Variants in ARHGAP21 observed in about 807,000 individuals in gnomAD.
ARHGAP21 encodes the protein rho GTPase-activating protein 21.
ARHGAP21 carries 38 observed loss-of-function variants against 164.6 expected under a neutral mutation model. The ratio of observed to expected loss-of-function variants is 0.23; its 90% CI spans 0.18 to 0.30. The LOEUF (loss-of-function observed/expected upper bound fraction) is 0.30. Among genes scored for constraint, ARHGAP21 ranks in the 10% least tolerant of loss-of-function variants. The probability of loss-of-function intolerance (pLI) is 1.00; values close to 1 mark genes in which losing one functional copy is unlikely to be tolerated. For missense variants in ARHGAP21, 1,822 were observed against 2,370.7 expected, an observed-to-expected ratio of 0.77 and a Z score of 4.81; for synonymous variants, 766 against 857.9, an observed-to-expected ratio of 0.89 and a Z score of 1.87.
chr10:24,694,310 T>C (rs1842966982), intron 2 of ARHGAP21, among the ~76,000 whole-genome samples: 1 of 152,246 alleles, frequency 6.6e-6, no homozygotes, highest in Non-Finnish European at 1.5e-5. Context: ...CTGCTATCCT[T>C]AGAAAGGCCA....
chr10:24,700,093 T>A (rs961508063), intron 2 of ARHGAP21, among the ~76,000 whole-genome samples: 2 of 152,178 alleles, frequency 1.3e-5, no homozygotes, highest in Non-Finnish European at 2.9e-5. Flanking sequence ...CTGGCTGGAT[T>A]TCTCCTAACA....
intron 7 of ARHGAP21, among the ~76,000 whole-genome samples, chr10:24,628,149 T>C (rs1190546427): frequency 6.6e-6 from 1 of 152,256 alleles, no homozygotes; most frequent in African/African-American, 2.4e-5. Flanking sequence ...TCTGTGGTTA[T>C]GTCTGCTACA....
chr10:24,646,989 G>C (rs565540856), intron 4 of ARHGAP21, among the ~76,000 whole-genome samples: 1 of 152,062 alleles, frequency 6.6e-6, no homozygotes, highest in South Asian at 2.1e-4. Context: ...TTAATACTCC[G>C]CCATGCACTT....
intron 21 of ARHGAP21, among the ~76,000 whole-genome samples, chr10:24,593,262 AGAAACTATGTGTGG>A (rs1201760599): frequency 6.6e-6 from 1 of 151,982 alleles, no homozygotes; most frequent in East Asian, 1.9e-4. Flanking sequence ...CTTGGTAGAA[AGAAACTATGTGTGG>A]GAAAGGTGTA....
At chr10:24,688,392 CA>C (rs1019051261) in intron 2 of ARHGAP21, among the ~76,000 whole-genome samples, 21 of 145,668 alleles carry the variant, frequency 1.4e-4, no homozygotes, top group African/African-American at 3.5e-4. Context: ...GACTCCGTCT[CA>C]AAAAAAAAAA....
rs150615720 is a variant in ARHGAP21, at chr10:24,688,117, G to A, written c.64-17720C>T. ...ACAGAATTCAATTTGGTGGCCAGGTGGAGTGGCTCATGCCTGTAATCCCAG... is the reference window on the plus strand; with the variant it reads ...ACAGAATTCAATTTGGTGGCCAGGTAGAGTGGCTCATGCCTGTAATCCCAG... On this transcript the variant is annotated intron_variant, in intron 2 of 25. Coordinates refer to ENST00000396432, the MANE Select transcript of ARHGAP21 (RefSeq NM_020824.4). Among the ~76,000 whole-genome samples, 475 of 152,312 alleles carry A rather than the reference G, an allele frequency of 3.1e-3. 2 individuals are homozygous for A. Among genetic ancestry groups the A allele is most frequent in the African/African-American group, 0.011 (440 of 41,576 alleles).
At chr10:24,592,747 A>G (rs2076392496) in intron 21 of ARHGAP21, among the ~76,000 whole-genome samples, 1 of 137,388 alleles carries the variant, frequency 7.3e-6, no homozygotes, top group African/African-American at 3.3e-5. Flanking sequence ...AGAAAAAAAG[A>G]AAAAAAAAAC....
intron 14 of ARHGAP21, among the ~76,000 whole-genome samples, chr10:24,598,722 T>C (rs141061505): frequency 5.3e-5 from 8 of 152,198 alleles, no homozygotes; most frequent in Non-Finnish European, 1.2e-4. Flanking sequence ...TGAATGATGA[T>C]ACAGTTTACA....
intron 4 of ARHGAP21, among the ~76,000 whole-genome samples, chr10:24,657,619 G>A (rs1839206988): frequency 7.8e-6 from 1 of 128,926 alleles, no homozygotes; most frequent in Non-Finnish European, 1.6e-5. Context: ...GGCGGGAAAG[G>A]TGGGGAAAAG....
intron 3 of ARHGAP21, among the ~76,000 whole-genome samples, 170 bp downstream of exon 3, chr10:24,670,048 A>C (rs998901803): frequency 1.3e-5 from 2 of 152,218 alleles, no homozygotes; most frequent in Admixed American, 6.5e-5. Flanking sequence ...TTGTTCTTGA[A>C]GGTGGGAAAA....
intron 2 of ARHGAP21, among the ~76,000 whole-genome samples, chr10:24,679,415 TC>T (rs1841563449): frequency 6.6e-6 from 1 of 152,176 alleles, no homozygotes; most frequent in Admixed American, 6.5e-5. Flanking sequence ...GAAACTAATC[TC>T]CCAAAGGGCC....
At chr10:24,675,438 GATT>G (rs1197015877) in intron 2 of ARHGAP21, among the ~76,000 whole-genome samples, 1 of 152,176 alleles carries the variant, frequency 6.6e-6, no homozygotes, top group Non-Finnish European at 1.5e-5. Flanking sequence ...TAAGGGTGGA[GATT>G]ATTATGAAGC....
chr10:24,594,289 G>A (rs1236237291), intron 21 of ARHGAP21, among the ~76,000 whole-genome samples: 1 of 152,174 alleles, frequency 6.6e-6, no homozygotes, highest in Admixed American at 6.5e-5. Context: ...AATACCATGT[G>A]TAGACCTTGT....
At chr10:24,639,774 G>C (rs1836794797) in intron 4 of ARHGAP21, among the ~76,000 whole-genome samples, 1 of 152,130 alleles carries the variant, frequency 6.6e-6, no homozygotes, top group Non-Finnish European at 1.5e-5. Flanking sequence ...ACATCTATAG[G>C]CCTGGGGGCT....
intron 2 of ARHGAP21, among the ~76,000 whole-genome samples, chr10:24,717,434 G>C (rs1835461560): frequency 6.6e-6 from 1 of 152,156 alleles, no homozygotes; most frequent in African/African-American, 2.4e-5. Flanking sequence ...TGGTATTCCT[G>C]AAAGTGCAGG....
intron 2 of ARHGAP21, among the ~76,000 whole-genome samples, chr10:24,677,614 G>A (rs761342609): frequency 2.0e-5 from 3 of 152,208 alleles, no homozygotes; most frequent in Non-Finnish European, 4.4e-5. Context: ...AGAGACTCAA[G>A]CTAAGCCCCA....
At chr10:24,590,472 C>T in intron 24 of ARHGAP21, 3 of 1,535,266 alleles carry the variant, frequency 2.0e-6, no homozygotes, top group Non-Finnish European at 2.6e-6. Context: ...AGACTCCTCC[C>T]ACTTCGCCTG....
At chr10:24,679,938 C>G (rs899470879) in intron 2 of ARHGAP21, among the ~76,000 whole-genome samples, 1 of 152,088 alleles carries the variant, frequency 6.6e-6, no homozygotes, top group African/African-American at 2.4e-5. Flanking sequence ...CCCCTCTCCT[C>G]CCACCCCACA....
rs2077088124 is a variant in ARHGAP21 at position 24,607,709 on chromosome 10, T to C, written c.2581+36A>G. 3.1e-6 allele frequency: 5 copies of C among 1,611,882 alleles called. No homozygotes were observed. In the East Asian group the frequency reaches 8.9e-5, roughly 29 times the overall value. On this transcript the variant is annotated intron_variant, in intron 10 of 25. Transcript: ENST00000396432. The stretch of plus-strand genomic sequence containing the variant: ...ACTATTCTAAGTGGAAAACAGAGCA[T>C]GAGATACGGTTTACAAAACCACCCT...
Sources: allele counts gnomAD v4.1 joint callset (sites outside exome capture counted in the v4.1 genomes callset), GRCh38; gene constraint gnomAD v4.1.1; transcripts MANE v1.5; gene names NCBI Gene and HGNC (gene_info 2026-07-23, HGNC 2026-07-21).